NAA11: variants seen among roughly 807,000 people sequenced by gnomAD.
NAA11 encodes the protein N-alpha-acetyltransferase 11.
Under a neutral mutation model 16.1 loss-of-function variants are expected in NAA11, and 15 were observed. The ratio of observed to expected loss-of-function variants is 0.93; its 90% CI spans 0.62 to 1.44. NAA11 has a LOEUF of 1.44. Ranked by LOEUF, NAA11 falls within the 40% of genes most tolerant of loss-of-function variation. NAA11 has a pLI of 0.00. For missense variants in NAA11, 298 were observed against 291.3 expected (o/e 1.02, Z -0.17); for synonymous variants, 122 against 112.4 (o/e 1.09, Z -0.54).
intron 2 of NAA11, among the ~76,000 whole-genome samples, chr4:79,257,869 TTTTAG>T (rs893963249): frequency 6.6e-6 from 1 of 152,252 alleles, no homozygotes; most frequent in African/African-American, 2.4e-5. Flanking sequence ...TCTGTTAAAA[TTTTAG>T]TTTAATCTTA....
At chr4:79,252,558 A>G (rs1328380493) in intron 2 of NAA11, among the ~76,000 whole-genome samples, 1 of 152,234 alleles carries the variant, frequency 6.6e-6, no homozygotes, top group African/African-American at 2.4e-5. Context: ...TGGTAATGGC[A>G]TAGAGAATGA....
At chr4:79,300,453 A>G (rs1380322481) in intron 1 of NAA11, among the ~76,000 whole-genome samples, 1 of 152,000 alleles carries the variant, frequency 6.6e-6, no homozygotes, top group Non-Finnish European at 1.5e-5. Flanking sequence ...AACACAAACT[A>G]CTCATTATGC....
At chr4:79,175,501 A>C in the NAA11 span, among the ~76,000 whole-genome samples, 1 of 152,094 alleles carries the variant, frequency 6.6e-6, no homozygotes, top group Non-Finnish European at 1.5e-5. Flanking sequence ...ATGTACCTGA[A>C]GTTAGCAGTT....
At chr4:79,295,697 A>G (rs1723202780) in intron 1 of NAA11, among the ~76,000 whole-genome samples, 2 of 152,228 alleles carry the variant, frequency 1.3e-5, no homozygotes, top group Admixed American at 6.5e-5. Flanking sequence ...GGTAGTATAA[A>G]TAATCTTCAA....
chr4:79,177,319 T>TA, the NAA11 span, among the ~76,000 whole-genome samples: 1 of 151,928 alleles, frequency 6.6e-6, no homozygotes. Flanking sequence ...CAGAAGACGG[T>TA]GTCTCCCCTG....
At chr4:79,324,942 T>C (rs1034371418) in intron 1 of NAA11, among the ~76,000 whole-genome samples, 8 of 152,258 alleles carry the variant, frequency 5.3e-5, no homozygotes, top group Non-Finnish European at 7.3e-5. Context: ...TAAATGCTTG[T>C]TTCTTCATTG....
the NAA11 span, among the ~76,000 whole-genome samples, chr4:79,197,377 A>T: frequency 6.6e-6 from 1 of 151,946 alleles, no homozygotes. Context: ...GTTTAATTTT[A>T]TGCCTCAGTG....
chr4:79,158,698 GATATAT>G, the NAA11 span, among the ~76,000 whole-genome samples: 16 of 112,136 alleles, frequency 1.4e-4, 1 homozygote, highest in Non-Finnish European at 3.0e-4. Context: ...CACATTACCT[GATATAT>G]ATATATATAT....
chr4:79,240,658 A>G (rs879419303), intron 2 of NAA11, among the ~76,000 whole-genome samples: 1 of 152,204 alleles, frequency 6.6e-6, no homozygotes, highest in Non-Finnish European at 1.5e-5. Context: ...GAGACTGCCA[A>G]CTAGTCATTT....
chr4:79,261,539 C>A (rs1578167846), intron 2 of NAA11, among the ~76,000 whole-genome samples: 1 of 152,162 alleles, frequency 6.6e-6, no homozygotes, highest in East Asian at 1.9e-4. Context: ...GATCGGAACA[C>A]AGTGTACCTG....
chr4:79,157,619 A>G, the NAA11 span, among the ~76,000 whole-genome samples: 1 of 151,946 alleles, frequency 6.6e-6, no homozygotes, highest in Non-Finnish European at 1.5e-5. Flanking sequence ...ATATATACAC[A>G]TATGTATATA....
At chr4:79,171,036 T>A in the NAA11 span, among the ~76,000 whole-genome samples, 1 of 152,198 alleles carries the variant, frequency 6.6e-6, no homozygotes, top group East Asian at 1.9e-4. Context: ...CCTCTCATGT[T>A]GATAACATAG....
At chr4:79,221,639 G>GT (rs1721190534), downstream of NAA11, among the ~76,000 whole-genome samples, 1 of 103,106 alleles carries the variant, frequency 9.7e-6, no homozygotes, top group East Asian at 3.2e-4. Flanking sequence ...TAATCATGTG[G>GT]TTTTTGTCTT....
the NAA11 span, among the ~76,000 whole-genome samples, chr4:79,194,668 T>C: frequency 1.2e-4 from 18 of 152,224 alleles, no homozygotes; most frequent in Admixed American, 2.0e-4. Flanking sequence ...GAAAATACTC[T>C]AGGGGCTTAA....
At chr4:79,299,672 G>C (rs1723330976) in intron 1 of NAA11, 1 of 151,426 alleles carries the variant, frequency 6.6e-6, no homozygotes, top group South Asian at 2.1e-4. Context: ...CTGTTGGATA[G>C]AGCTGTTATC....
Position 79,300,306 on chromosome 4 carries a change from T to C in NAA11, c.*13-6192A>G, listed in dbSNP as rs1039677711. On this transcript the variant is annotated intron_variant and NMD_transcript_variant, in intron 1 of 2. Coordinates refer to the NAA11 transcript ENST00000511542. ...TTGCCATATACCTTAACATGTTTCA[T>C]CTCAAAGCACATTTTGTTGCCTATT... Among the ~76,000 whole-genome samples the C allele has an allele frequency of 1.3e-4, 20 of 152,174 alleles. 1 individual carries two copies. The highest frequency in any genetic ancestry group is 5.9e-5 in the Non-Finnish European group (4 of 68,042).
intron 2 of NAA11, among the ~76,000 whole-genome samples, chr4:79,278,201 G>A (rs1186292982): frequency 6.6e-6 from 1 of 151,836 alleles, no homozygotes; most frequent in Admixed American, 6.6e-5. Flanking sequence ...CTTCTACTTT[G>A]ACTTTTGTAG....
At chr4:79,204,104 T>C in the NAA11 span, among the ~76,000 whole-genome samples, 5 of 151,864 alleles carry the variant, frequency 3.3e-5, no homozygotes, top group African/African-American at 4.8e-5. Context: ...ACAATGTATA[T>C]AAAAAGTCTT....
chr4:79,241,422 G>A (rs1288602993), intron 2 of NAA11, among the ~76,000 whole-genome samples: 15 of 145,274 alleles, frequency 1.0e-4, no homozygotes, highest in Admixed American at 9.5e-4. Context: ...GTCGATTTTT[G>A]ATTGCATGGT....
Sources: gnomAD v4.1 joint callset for allele counts (sites outside exome capture counted in the v4.1 genomes callset) on GRCh38, gnomAD v4.1.1 for gene constraint, MANE v1.5 for transcripts, NCBI Gene and HGNC (gene_info 2026-07-23, HGNC 2026-07-21) for gene names.